FNDC3B: variants seen among roughly 807,000 people sequenced by gnomAD.
FNDC3B encodes fibronectin type III domain-containing protein 3B.
Under a neutral mutation model 151.5 loss-of-function variants are expected in FNDC3B, and 12 were observed. The observed-to-expected ratio is 0.08, with a 90% CI of 0.05 to 0.13. The LOEUF is 0.13. Among genes scored for constraint, FNDC3B ranks in the 10% least tolerant of loss-of-function variants. The pLI, the probability that FNDC3B is intolerant of heterozygous loss-of-function variation, is 1.00. For synonymous variants in FNDC3B, 528 were observed against 549.0 expected (o/e 0.96, Z 0.54); for missense variants, 1,214 against 1,505.3 (o/e 0.81, Z 3.20).
At position 172,242,404 on chromosome 3, in the gene FNDC3B, C is replaced by T. The variant is rs555112918; in HGVS notation, c.265-5129C>T. The stretch of plus-strand genomic sequence containing the variant: ...TCTCGATGACAGCCCCACTCTGCAG[C>T]AAACTTCTGCCTGGACATCCAGGCA... On this transcript the variant is annotated intron_variant, in intron 4 of 25. Coordinates refer to ENST00000415807, the MANE Select transcript of FNDC3B (RefSeq NM_022763.4). Among the ~76,000 whole-genome samples the T allele has an allele frequency of 5.3e-5, 8 of 152,344 alleles. No individual in the cohort carries two copies. In the East Asian group the frequency reaches 1.2e-3, roughly 22 times the overall value.
chr3:172,298,855 C>A, intron 9 of FNDC3B, 68 bp downstream of exon 9: 1 of 1,163,296 alleles, frequency 8.6e-7, no homozygotes, highest in Non-Finnish European at 1.2e-6. Context: ...ACATGTACTC[C>A]CTTTTAAGTT....
intron 18 of FNDC3B, 114 bp from the exon 19 acceptor site, chr3:172,343,972 A>T (rs1733473741): frequency 2.3e-6 from 2 of 862,730 alleles, no homozygotes; most frequent in Admixed American, 2.4e-5. Flanking sequence ...TGTAAGGGAG[A>T]TACTGAGGCC....
rs1715984834 is a variant in FNDC3B at position 172,040,594 on chromosome 3, G to A, written c.-29+823G>A. 1 of 151,838 alleles carries A rather than the reference G, an allele frequency of 6.6e-6. No homozygotes were observed. Among genetic ancestry groups the A allele is most frequent in the Non-Finnish European group, 1.5e-5 (1 of 68,006 alleles). The allele number at this position is 151,838 out of a possible 1,614,324, so 9.4% of individuals were successfully genotyped here. On this transcript the variant is annotated intron_variant, in intron 1 of 25. Coordinates refer to ENST00000415807, the MANE Select transcript of FNDC3B (RefSeq NM_022763.4). The surrounding 1 kb of genome is among the most constrained non-coding windows in gnomAD (Gnocchi z 6.6). ...AGCGGGGCGCGGCGGGAAGGAGCGGGCGACCCGGTGTGTGGGCCAGCGGAG... is the reference window on the plus strand; with the variant it reads ...AGCGGGGCGCGGCGGGAAGGAGCGGACGACCCGGTGTGTGGGCCAGCGGAG...
At chr3:172,373,364 C>T (rs1734975796) in intron 23 of FNDC3B, among the ~76,000 whole-genome samples, 1 of 152,126 alleles carries the variant, frequency 6.6e-6, no homozygotes, top group Non-Finnish European at 1.5e-5. Context: ...GGTGTGATGT[C>T]CTAGGGCCTG....
chr3:172,208,186 C>A (rs1278504388), intron 3 of FNDC3B, among the ~76,000 whole-genome samples: 1 of 152,054 alleles, frequency 6.6e-6, no homozygotes, highest in African/African-American at 2.4e-5. Context: ...GTGATATGAA[C>A]ACCTGGGAAA....
chr3:172,130,587 G>T (rs1721029146), intron 2 of FNDC3B, among the ~76,000 whole-genome samples: 1 of 152,164 alleles, frequency 6.6e-6, no homozygotes, highest in African/African-American at 2.4e-5. Context: ...TTTGAAGTTT[G>T]GCCTGGTGTC....
intron 3 of FNDC3B, among the ~76,000 whole-genome samples, chr3:172,147,884 A>G (rs1293368588): frequency 6.6e-6 from 1 of 152,118 alleles, no homozygotes; most frequent in African/African-American, 2.4e-5. Flanking sequence ...GACAAAAGGG[A>G]AAAAAATTCC....
At chr3:172,283,243 A>T (rs73031323) in intron 6 of FNDC3B, among the ~76,000 whole-genome samples, 14,721 of 151,696 alleles carry the variant, frequency 0.097, 775 homozygotes, top group African/African-American at 0.14. Flanking sequence ...AGATTTTTTT[A>T]TTATTATTCC....
intron 3 of FNDC3B, among the ~76,000 whole-genome samples, chr3:172,142,208 G>A (rs1214542588): frequency 6.6e-6 from 1 of 152,180 alleles, no homozygotes; most frequent in South Asian, 2.1e-4. Context: ...TTATGGGTGG[G>A]CATTGACCCC....
chr3:172,074,175 G>A (rs1717903061), intron 1 of FNDC3B, among the ~76,000 whole-genome samples: 1 of 152,224 alleles, frequency 6.6e-6, no homozygotes, highest in Admixed American at 6.5e-5. Context: ...CCTGAGGGAG[G>A]TCTTGATGAT....
At chr3:172,368,316 A>T (rs1002958331) in intron 23 of FNDC3B, among the ~76,000 whole-genome samples, 12 of 150,414 alleles carry the variant, frequency 8.0e-5, no homozygotes, top group Non-Finnish European at 1.3e-4. Context: ...GGCACTGAGG[A>T]GGTGTGAGCT....
chr3:172,115,941 C>T (rs540781064), intron 2 of FNDC3B, among the ~76,000 whole-genome samples: 9 of 152,330 alleles, frequency 5.9e-5, no homozygotes, highest in African/African-American at 1.9e-4. Flanking sequence ...CCACAGCCCT[C>T]CTCCTTCTGA....
intron 23 of FNDC3B, among the ~76,000 whole-genome samples, chr3:172,374,403 T>C (rs1390223512): frequency 6.6e-6 from 1 of 152,192 alleles, no homozygotes; most frequent in East Asian, 1.9e-4. Context: ...TTTACTTATT[T>C]TATTTATTAT....
chr3:172,099,874 C>T (rs1284796361), intron 1 of FNDC3B, among the ~76,000 whole-genome samples: 3 of 152,108 alleles, frequency 2.0e-5, no homozygotes, highest in African/African-American at 4.8e-5. Context: ...TATGTTTTTA[C>T]GTATAACTTG....
intron 3 of FNDC3B, among the ~76,000 whole-genome samples, chr3:172,172,104 T>A (rs560810697): frequency 6.6e-6 from 1 of 152,322 alleles, no homozygotes; most frequent in South Asian, 2.1e-4. Context: ...CTATCAGCAT[T>A]CAGACACCCA....
chr3:172,189,402 G>T (rs766593257), intron 3 of FNDC3B, among the ~76,000 whole-genome samples: 5 of 152,112 alleles, frequency 3.3e-5, no homozygotes, highest in Non-Finnish European at 7.4e-5. Context: ...TCTATGACAA[G>T]GTGTTCCTAC....
intron 3 of FNDC3B, among the ~76,000 whole-genome samples, chr3:172,144,043 T>TTGGG (rs1721776916): frequency 6.6e-6 from 1 of 152,178 alleles, no homozygotes; most frequent in African/African-American, 2.4e-5. Flanking sequence ...AGAGGTTTAA[T>TTGGG]TGGGTCATGG....
intron 11 of FNDC3B, among the ~76,000 whole-genome samples, chr3:172,312,947 C>T (rs1247540102): frequency 1.3e-5 from 2 of 152,214 alleles, no homozygotes; most frequent in East Asian, 3.9e-4. Context: ...TTATGTTCAG[C>T]ATGGTCCATT....
Position 172,333,076 on chromosome 3 carries a change from T to C in FNDC3B, c.1555-13T>C, listed in dbSNP as rs1161294842. 6.4e-7 allele frequency: 1 copy of C among 1,574,586 alleles called. No individual in the cohort carries two copies. The highest frequency in any genetic ancestry group is 8.7e-7 in the Non-Finnish European group (1 of 1,144,066). On this transcript the variant is annotated splice_polypyrimidine_tract_variant and intron_variant, in intron 13 of 25. Transcript: ENST00000415807. ...TTTTATACTGATGTTTCTTCCTGGCTTTGCCTTTTCAGGATAACCTTTTCC... is the reference window on the plus strand; with the variant it reads ...TTTTATACTGATGTTTCTTCCTGGCCTTGCCTTTTCAGGATAACCTTTTCC...
Sources: allele counts gnomAD v4.1 joint callset (sites outside exome capture counted in the v4.1 genomes callset), GRCh38; gene constraint gnomAD v4.1.1; non-coding constraint Gnocchi (gnomAD v3.1); transcripts MANE v1.5; gene names NCBI Gene and HGNC (gene_info 2026-07-23, HGNC 2026-07-21).